The following IRAG1 variants were observed in gnomAD, a reference collection of about 807,000 sequenced individuals.
IRAG1 encodes IP3R-associated cGMP kinase substrate.
In IRAG1, 62 loss-of-function variants were observed where a neutral mutation model predicts 106.2. The ratio of observed to expected loss-of-function variants is 0.58; its 90% confidence interval spans 0.48 to 0.72. The LOEUF (loss-of-function observed/expected upper bound fraction) is 0.72. IRAG1 is among the 30% of genes least tolerant of loss of function. The pLI is 0.00. For synonymous variants in IRAG1, 462 were observed against 443.9 expected (o/e 1.04, Z -0.51); for missense variants, 1,064 against 1,140.7 (o/e 0.93, Z 0.97).
At chr11:10,636,696 T>C (rs1857170277) in intron 2 of IRAG1, among the ~76,000 whole-genome samples, 1 of 152,168 alleles carries the variant, frequency 6.6e-6, no homozygotes, top group Non-Finnish European at 1.5e-5. Context: ...AAACAAGGGA[T>C]GGACCACATT....
intron 20 of IRAG1, 131 bp downstream of exon 20, chr11:10,580,324 G>T (rs373193351): frequency 7.3e-7 from 1 of 1,375,044 alleles, no homozygotes; most frequent in Non-Finnish European, 9.9e-7. Context: ...TTGGTTTCTT[G>T]GGCTACTCAC....
At chr11:10,666,841 T>TG (rs1486159842) in intron 1 of IRAG1, among the ~76,000 whole-genome samples, 2 of 152,194 alleles carry the variant, frequency 1.3e-5, no homozygotes, top group Admixed American at 6.5e-5. Context: ...ACCCCCTTCC[T>TG]GGCCCAGGTT....
rs536949811 is a variant in IRAG1, at chr11:10,633,161, G to A, written c.329+807C>T. Among the ~76,000 whole-genome samples the A allele has an allele frequency of 1.5e-3, 222 of 146,120 alleles. 2 individuals carry two copies. The highest frequency in any genetic ancestry group is 3.2e-3 in the Admixed American group (45 of 14,118). On this transcript the variant is annotated intron_variant, in intron 3 of 20. Transcript: ENST00000423302. ...GCGATCTGGGCTCACTGCAAGCTCC[G>A]CCTCCCGGGTTCACGCCATTCTCCT...
chr11:10,599,410 G>C (rs564202597), intron 15 of IRAG1, among the ~76,000 whole-genome samples: 10 of 152,342 alleles, frequency 6.6e-5, no homozygotes, highest in African/African-American at 2.2e-4. Flanking sequence ...AAATGCAGGA[G>C]TCCACGCATT....
rs780467181 is a variant in IRAG1 at position 10,659,601 on chromosome 11, G to A, written c.68-7419C>T. Among the ~76,000 whole-genome samples, 19 of 152,080 alleles carry A rather than the reference G, an allele frequency of 1.2e-4. No homozygotes were observed. The highest frequency in any genetic ancestry group is 4.6e-4 in the Admixed American group (7 of 15,282). On this transcript the variant is annotated intron_variant, in intron 1 of 20. Transcript: ENST00000423302. The surrounding 1 kb of genome is among the most constrained non-coding windows in gnomAD (Gnocchi z 4.1). ...CTGTGGAGCTCGTATAGGCTTTGTTGGCTGGGGGTGCCCTGGGAAGGAGCC... is the reference window on the plus strand; with the variant it reads ...CTGTGGAGCTCGTATAGGCTTTGTTAGCTGGGGGTGCCCTGGGAAGGAGCC...
chr11:10,639,553 T>C (rs773067218), intron 2 of IRAG1, among the ~76,000 whole-genome samples: 7 of 152,114 alleles, frequency 4.6e-5, no homozygotes, highest in Non-Finnish European at 8.8e-5. Context: ...TCAAAGAACA[T>C]GAAAGGGGAA....
chr11:10,612,515 T>C (rs1855052694), intron 10 of IRAG1, among the ~76,000 whole-genome samples: 1 of 151,914 alleles, frequency 6.6e-6, no homozygotes, highest in Non-Finnish European at 1.5e-5. Context: ...CCAGCTAAGG[T>C]AGGAAGGAGT....
chr11:10,668,587 A>T (rs558049786), intron 1 of IRAG1, among the ~76,000 whole-genome samples: 1 of 152,336 alleles, frequency 6.6e-6, no homozygotes, highest in African/African-American at 2.4e-5. Flanking sequence ...AGACACTCTG[A>T]CTTATAAAGC....
chr11:10,685,726 G>GAAA (rs11403147), intron 1 of IRAG1, among the ~76,000 whole-genome samples: 13 of 135,820 alleles, frequency 9.6e-5, no homozygotes, highest in Admixed American at 1.5e-4. Context: ...TGCCTCTCTT[G>GAAA]AAAAAAAAAA....
intron 1 of IRAG1, among the ~76,000 whole-genome samples, chr11:10,684,155 T>C (rs563474324): frequency 6.6e-5 from 10 of 152,168 alleles, no homozygotes; most frequent in African/African-American, 2.2e-4. Flanking sequence ...GACACATGCA[T>C]ACGTATGTTT....
intron 1 of IRAG1, among the ~76,000 whole-genome samples, chr11:10,655,387 G>C (rs908547977): frequency 6.6e-6 from 1 of 152,190 alleles, no homozygotes; most frequent in Non-Finnish European, 1.5e-5. Flanking sequence ...AGTGCAGGGA[G>C]AAATAAAAAT....
At chr11:10,663,217 C>CAATA (rs1165643152) in intron 1 of IRAG1, among the ~76,000 whole-genome samples, 2 of 152,042 alleles carry the variant, frequency 1.3e-5, no homozygotes, top group East Asian at 1.9e-4. Flanking sequence ...CACCACAGCC[C>CAATA]AATAAATAAA....
At chr11:10,588,701 A>C (rs2134176866) in intron 18 of IRAG1, among the ~76,000 whole-genome samples, 1 of 152,100 alleles carries the variant, frequency 6.6e-6, no homozygotes, top group East Asian at 1.9e-4. Context: ...CAGTTCCCCC[A>C]ACCTTACACC....
At chr11:10,681,070 T>C (rs757512527) in intron 1 of IRAG1, among the ~76,000 whole-genome samples, 7 of 152,202 alleles carry the variant, frequency 4.6e-5, no homozygotes, top group Non-Finnish European at 8.8e-5. Context: ...CCAGGTCTCC[T>C]CTACTTAGGG....
intron 1 of IRAG1, among the ~76,000 whole-genome samples, chr11:10,685,762 T>C (rs955060587): frequency 2.0e-5 from 3 of 151,930 alleles, no homozygotes; most frequent in African/African-American, 7.3e-5. Context: ...TTCAGTCTCT[T>C]GTGAGTTTGA....
chr11:10,591,728 T>C, intron 17 of IRAG1, 116 bp from the exon 18 acceptor site: 1 of 914,700 alleles, frequency 1.1e-6, no homozygotes, highest in Non-Finnish European at 1.7e-6. Context: ...CTTTCCTCCA[T>C]GCCCCCACTT....
At chr11:10,576,683 G>A in intron 20 of IRAG1, 108 bp from the exon 21 acceptor site, 1 of 1,398,152 alleles carries the variant, frequency 7.2e-7, no homozygotes, top group South Asian at 1.3e-5. Context: ...TTGAGCAATA[G>A]TTCTCAAACT....
rs969575386 is a variant in IRAG1 at position 10,629,949 on chromosome 11, G to A, written c.401-238C>T. The A allele has an allele frequency of 1.5e-5, 7 of 460,952 alleles. 1 individual carries two copies. The highest frequency in any genetic ancestry group is 3.9e-5 in the South Asian group (1 of 25,418). 28.6% of individuals were successfully genotyped at this position (460,952 alleles called of 1,614,324 possible). A position where few individuals can be genotyped will look rare whatever the true frequency, so the allele number is the denominator to read the frequency against. ...CACAAATGGTCCTGGAGCCATCTCAGGTTCCCAGAATTTTCCTAAACTCTG... is the reference window on the plus strand; with the variant it reads ...CACAAATGGTCCTGGAGCCATCTCAAGTTCCCAGAATTTTCCTAAACTCTG... On this transcript the variant is annotated intron_variant, in intron 4 of 20. Transcript: ENST00000423302.
intron 1 of IRAG1, among the ~76,000 whole-genome samples, chr11:10,670,953 A>T (rs1860171308): frequency 6.6e-6 from 1 of 152,264 alleles, no homozygotes; most frequent in South Asian, 2.1e-4. Context: ...CTGGCTTGTG[A>T]TATTTTAATA....
Sources: gnomAD v4.1 joint callset for allele counts (sites outside exome capture counted in the v4.1 genomes callset) on GRCh38, gnomAD v4.1.1 for gene constraint, Gnocchi (gnomAD v3.1) non-coding constraint, MANE v1.5 for transcripts, NCBI Gene and HGNC (gene_info 2026-07-23, HGNC 2026-07-21) for gene names.